The following MTA3 variants were observed in gnomAD, a reference collection of about 807,000 sequenced individuals.
MTA3 encodes metastasis-associated protein MTA3.
A neutral mutation model predicts 83.5 loss-of-function variants in MTA3; 34 were observed. The ratio of observed to expected loss-of-function variants is 0.41; its 90% CI spans 0.31 to 0.54. The LOEUF (loss-of-function observed/expected upper bound fraction) is 0.54. MTA3 is among the 20% of genes least tolerant of loss of function. The pLI, the probability that MTA3 is intolerant of heterozygous loss-of-function variation, is 0.33. For missense variants in MTA3, 761 were observed against 726.4 expected, an observed-to-expected ratio of 1.05 and a Z score of -0.55; for synonymous variants, 303 against 252.7, an observed-to-expected ratio of 1.20 and a Z score of -1.89.
At chr2:42,673,894 T>C (rs1349767193) in intron 8 of MTA3, among the ~76,000 whole-genome samples, 3 of 152,260 alleles carry the variant, frequency 2.0e-5, no homozygotes, top group Non-Finnish European at 4.4e-5. Flanking sequence ...ACAACACTTC[T>C]GGCAACTAGG....
chr2:42,702,711 A>T (rs918383932), intron 11 of MTA3: 17 of 152,236 alleles, frequency 1.1e-4, no homozygotes, highest in African/African-American at 4.1e-4. Flanking sequence ...TTTATTAGGC[A>T]CTGAACAAAT....
rs193002031 is a variant in MTA3 at position 42,732,894 on chromosome 2, C to G, written c.1759+9859C>G. On this transcript the variant is annotated intron_variant, in intron 16 of 16. Coordinates refer to ENST00000405094, the MANE Select transcript of MTA3 (RefSeq NM_001330442.2). The stretch of plus-strand genomic sequence containing the variant: ...AACAAGAGTCACCTTTGCTCCAGTT[C>G]CCGAGTTCCTCATCCCCACCTGAGA... Among the ~76,000 whole-genome samples the G allele has an allele frequency of 5.3e-4, 80 of 152,304 alleles. 2 individuals carry two copies. The highest frequency in any genetic ancestry group is 2.8e-4 in the Non-Finnish European group (19 of 68,030).
intron 4 of MTA3, among the ~76,000 whole-genome samples, chr2:42,626,178 C>T (rs1449931542): frequency 2.6e-5 from 4 of 151,190 alleles, no homozygotes; most frequent in Admixed American, 6.6e-5. Flanking sequence ...CTCCTGACCT[C>T]GTGATCTGCC....
intron 2 of MTA3, among the ~76,000 whole-genome samples, chr2:42,525,511 T>A (rs910410344): frequency 8.4e-6 from 1 of 119,714 alleles, no homozygotes; most frequent in Non-Finnish European, 1.8e-5. Context: ...TCCTTCCCCT[T>A]CCTTTCTTCC....
intron 11 of MTA3, chr2:42,702,870 TG>T (rs1223042420): frequency 6.6e-6 from 1 of 152,234 alleles, no homozygotes; most frequent in East Asian, 1.9e-4. Flanking sequence ...CAAGATAATC[TG>T]GGCTGCACGT....
chr2:42,528,305 C>T lies in MTA3; in HGVS notation c.-141+33051C>T, dbSNP rs539529887. Among the ~76,000 whole-genome samples the T allele has an allele frequency of 8.6e-5, 13 of 151,626 alleles. No homozygotes were observed. In the South Asian group the frequency reaches 2.1e-3, roughly 24 times the overall value. ...GCGTGATCTCGGCTCCTGCAGCCTC[C>T]GCCTCCCAGGTCCAAGCTATTCTCC... is the stretch of plus-strand genomic sequence containing the variant. On this transcript the variant is annotated intron_variant, in intron 2 of 17. Transcript: ENST00000405592.
chr2:42,666,586 C>T (rs1015554647), intron 8 of MTA3, among the ~76,000 whole-genome samples: 2 of 152,192 alleles, frequency 1.3e-5, no homozygotes, highest in Non-Finnish European at 2.9e-5. Flanking sequence ...TTTAAAACCA[C>T]ATCTTGGCTA....
chr2:42,732,136 C>G (rs558475056), intron 16 of MTA3, among the ~76,000 whole-genome samples: 34 of 152,318 alleles, frequency 2.2e-4, no homozygotes, highest in African/African-American at 7.7e-4. Context: ...AGGCAGTGCC[C>G]CAGTAGGGAC....
intron 16 of MTA3, among the ~76,000 whole-genome samples, chr2:42,751,542 G>A (rs1289922180): frequency 6.6e-6 from 1 of 152,178 alleles, no homozygotes; most frequent in Non-Finnish European, 1.5e-5. Flanking sequence ...AAGGGCAGGT[G>A]GTAAGTACTG....
intron 3 of MTA3, among the ~76,000 whole-genome samples, chr2:42,603,393 T>G (rs1379547289): frequency 6.6e-6 from 1 of 152,188 alleles, no homozygotes; most frequent in African/African-American, 2.4e-5. Flanking sequence ...TGATAGCAAG[T>G]GAAAAATAGT....
chr2:42,674,661 C>T lies in MTA3; in HGVS notation c.703-7740C>T, dbSNP rs1292252307. Among the ~76,000 whole-genome samples, 4 of 148,668 alleles carry T rather than the reference C, an allele frequency of 2.7e-5. No homozygotes were observed. The East Asian group carries it at 5.9e-4, about 22-fold the overall frequency. On this transcript the variant is annotated intron_variant, in intron 8 of 16. Transcript: ENST00000405094. The stretch of plus-strand genomic sequence containing the variant: ...ATCACTAGGCTGGAGTGCAGTGGCC[C>T]GATCTCAGCTCACTGCAACTGACAC...
At position 42,702,405 on chromosome 2, in the gene MTA3, G is replaced by A. The variant is rs1204408267; in HGVS notation, c.1026-1789G>A. ...GATAGTTGTAATAACAATACCAAAA[G>A]GAAATCTTAAGTAGGGTCTTTGCTG... is the stretch of plus-strand genomic sequence containing the variant. On this transcript the variant is annotated intron_variant, in intron 11 of 16. Transcript: ENST00000405094. The A allele has an allele frequency of 4.6e-5, 7 of 152,142 alleles. No homozygotes were observed. In the East Asian group the frequency reaches 1.3e-3, roughly 29 times the overall value. 9.4% of individuals were successfully genotyped at this position (152,142 alleles called of 1,614,324 possible).
chr2:42,682,461 T>G lies in MTA3; in HGVS notation c.763T>G (p.Leu255Val). ...TGATTTGAGCAGTGCCATTAGTGTC[T>G]TAGTACCACTCGGAGGACCTGTTTT... ...SYDLSSAISV[L>V]VPLGGPVLCR... is the part of the protein sequence containing the mutation. The change falls in exon 9 of 17, where the codon TTA (leucine) becomes GTA (valine). Residue 255 changes from leucine to valine, a missense_variant. Transcript: ENST00000405094. 6.2e-7 allele frequency: 1 copy of G among 1,612,342 alleles called. No individual in the cohort carries two copies. Among genetic ancestry groups the G allele is most frequent in the South Asian group, 1.1e-5 (1 of 90,598 alleles).
At chr2:42,652,728 C>T (rs1312461770) in intron 6 of MTA3, among the ~76,000 whole-genome samples, 2 of 152,016 alleles carry the variant, frequency 1.3e-5, no homozygotes, top group East Asian at 3.9e-4. Flanking sequence ...AATTTTATTT[C>T]CTAGTGTTTT....
chr2:42,679,800 A>G (rs913462868), intron 8 of MTA3, among the ~76,000 whole-genome samples: 2 of 152,012 alleles, frequency 1.3e-5, no homozygotes, highest in African/African-American at 2.4e-5. Context: ...TCAGACAAAC[A>G]GAATATCTTT....
intron 16 of MTA3, among the ~76,000 whole-genome samples, chr2:42,725,217 T>G (rs561029400): frequency 2.0e-5 from 3 of 152,344 alleles, no homozygotes; most frequent in South Asian, 4.1e-4. Context: ...GTACTTGGCA[T>G]GTAGTAGGTA....
intron 4 of MTA3, among the ~76,000 whole-genome samples, chr2:42,632,001 T>C (rs1027025904): frequency 2.0e-5 from 3 of 151,774 alleles, no homozygotes; most frequent in African/African-American, 7.3e-5. Context: ...CTTTTAGTTA[T>C]TTAAAAATGT....
At position 42,729,163 on chromosome 2, in the gene MTA3, G is replaced by A. The variant is rs1378861710; in HGVS notation, c.1759+6128G>A. Among the ~76,000 whole-genome samples, 5 of 124,488 alleles carry A rather than the reference G, an allele frequency of 4.0e-5. No homozygotes were observed. The East Asian group carries it at 7.9e-4, about 20-fold the overall frequency. The allele number at this position is 124,488 out of a possible 152,430, so 81.7% of individuals were successfully genotyped here. Reference sequence around the variant, plus strand: ...GGCTGGAGTGCAGTGGCACAATCTCGGCTCACTGCAAGCTCTACCTTCCGG... The same window carrying A: ...GGCTGGAGTGCAGTGGCACAATCTCAGCTCACTGCAAGCTCTACCTTCCGG... On this transcript the variant is annotated intron_variant, in intron 16 of 16. Coordinates refer to ENST00000405094, the MANE Select transcript of MTA3 (RefSeq NM_001330442.2).
rs144040040 is a variant in MTA3 at position 42,596,857 on chromosome 2, A to C, written c.191-12601A>C. Among the ~76,000 whole-genome samples the C allele has an allele frequency of 2.0e-5, 3 of 152,256 alleles. No individual in the cohort carries two copies. In the East Asian group the frequency reaches 5.8e-4, roughly 29 times the overall value. On this transcript the variant is annotated intron_variant, in intron 3 of 16. Transcript: ENST00000405094. ...TTTTTGCTGTCTGTGGACTTACAGA[A>C]TGAAAATCATTTTTATACTTGAAGT...
Sources: gnomAD v4.1 joint callset for allele counts (sites outside exome capture counted in the v4.1 genomes callset) on GRCh38, gnomAD v4.1.1 for gene constraint, MANE v1.5 for transcripts, NCBI Gene and HGNC (gene_info 2026-07-23, HGNC 2026-07-21) for gene names.